Variants in HAS2 observed in about 807,000 individuals in gnomAD.
The protein encoded by HAS2 is HA synthase 2.
In HAS2, 16 loss-of-function variants were observed where a neutral mutation model predicts 51.6. That is an observed-to-expected ratio of 0.31 (90% CI 0.21 to 0.47). The LOEUF is 0.47. Ranked by LOEUF, HAS2 falls within the 20% of genes least tolerant of loss-of-function variation. The pLI is 1.00. For missense variants in HAS2, 361 were observed against 662.6 expected (o/e 0.54, Z 5.00); for synonymous variants, 228 against 235.5 (o/e 0.97, Z 0.29).
chr8:121,641,437 GTC>G lies in HAS2; in HGVS notation c.-587_-586del. The G allele has an allele frequency of 6.6e-6, 1 of 151,858 alleles. No homozygotes were observed. The highest frequency in any genetic ancestry group is 2.1e-4 in the South Asian group (1 of 4,800). 9.4% of individuals were successfully genotyped at this position (151,858 alleles called of 1,614,324 possible). A position where few individuals can be genotyped will look rare whatever the true frequency, so the allele number is the denominator to read the frequency against. ...CTTCTGCCTCCTCCAACTTAAGGGG[GTC>G]TTAACAAGTGAGCTGGTGGGTGTTT... On this transcript the variant is annotated 5_prime_UTR_variant, in exon 1 of 4. Transcript: ENST00000303924.
intron 1 of HAS2, among the ~76,000 whole-genome samples, chr8:121,635,841 G>A (rs1171026962): frequency 6.6e-6 from 1 of 152,202 alleles, no homozygotes; most frequent in East Asian, 1.9e-4. Flanking sequence ...CATGTTGTAT[G>A]GGAGAAGGGG....
intron 2 of HAS2, among the ~76,000 whole-genome samples, chr8:121,627,636 G>T (rs1448486022): frequency 6.6e-6 from 1 of 152,262 alleles, no homozygotes; most frequent in Admixed American, 6.5e-5. Flanking sequence ...GACTCAGAGA[G>T]GTGGTCTTGC....
At position 121,613,871 on chromosome 8, in the gene HAS2, G is replaced by A. The variant is rs1356556822; in HGVS notation, c.*238C>T. 7 of 589,636 alleles carry A rather than the reference G, an allele frequency of 1.2e-5. No homozygotes were observed. The highest frequency in any genetic ancestry group is 1.2e-5 in the Non-Finnish European group (4 of 340,812). 36.5% of individuals were successfully genotyped at this position (589,636 alleles called of 1,614,324 possible). A position where few individuals can be genotyped will look rare whatever the true frequency, so the allele number is the denominator to read the frequency against. On this transcript the variant is annotated 3_prime_UTR_variant, in exon 4 of 4. Coordinates refer to ENST00000303924, the MANE Select transcript of HAS2 (RefSeq NM_005328.3). Reference sequence around the variant, plus strand: ...GGCGGATGCACAGTAAGGAAAAAGTGCATAAACAAAGAATTCATCCCATTT... The same window carrying A: ...GGCGGATGCACAGTAAGGAAAAAGTACATAAACAAAGAATTCATCCCATTT...
At chr8:121,624,262 G>A (rs1285039284) in intron 2 of HAS2, among the ~76,000 whole-genome samples, 1 of 151,992 alleles carries the variant, frequency 6.6e-6, no homozygotes, top group African/African-American at 2.4e-5. Flanking sequence ...ACATCACCAA[G>A]GAAAAGCACA....
intron 2 of HAS2, among the ~76,000 whole-genome samples, chr8:121,619,488 A>T (rs545788997): frequency 6.6e-6 from 1 of 151,828 alleles, no homozygotes; most frequent in Non-Finnish European, 1.5e-5. Flanking sequence ...AACCCTATTG[A>T]CTGTCTTTTT....
chr8:121,625,950 C>T (rs1241162993), intron 2 of HAS2, among the ~76,000 whole-genome samples: 1 of 152,062 alleles, frequency 6.6e-6, no homozygotes, highest in Non-Finnish European at 1.5e-5. Context: ...CTAGTGACTC[C>T]CTTACTGTTC....
Position 121,614,807 on chromosome 8 carries a change from C to T in HAS2, c.961G>A (p.Val321Met), listed in dbSNP as rs1189098970. The change falls in exon 4 of 4, where the codon GTG becomes ATG. Residue 321 changes from valine to methionine, a missense_variant. This residue lies in a region of HAS2 where 106 missense variants were observed against 241.0 expected (regional missense o/e 0.44). Coordinates refer to ENST00000303924, the MANE Select transcript of HAS2 (RefSeq NM_005328.3). This position sits in a 1 kb window ranked among gnomAD's most constrained non-coding sequence, Gnocchi z 7.2. ...TTTGTTGCATAGCCCAGGCTCAGCA[C>T]CCGGTTCGTGAGATGCCTGTCATCA... The part of the protein sequence containing the change: ...FGDDRHLTNR[V>M]LSLGYATKYT... The T allele has an allele frequency of 1.2e-6, 2 of 1,614,080 alleles. No individual in the cohort carries two copies. Among genetic ancestry groups the T allele is most frequent in the Non-Finnish European group, 1.7e-6 (2 of 1,180,038 alleles).
chr8:121,629,118 G>A lies in HAS2; in HGVS notation c.223C>T (p.Leu75=), dbSNP rs761997421. ...FLEHRKMKKS[L]ETPIKLNKTV... is the part of the protein sequence containing the mutation. ...TTGTTCAACTTTATGGGGGTTTCTA[G>A]GGATTTTTTCATTTTTCGGTGCTCC... Residue 75 remains leucine (L), a synonymous_variant, in exon 2 of 4, where the codon CTA becomes TTA. Transcript: ENST00000303924. 2 of 1,613,942 alleles carry A rather than the reference G, an allele frequency of 1.2e-6. No individual in the cohort carries two copies. Among genetic ancestry groups the A allele is most frequent in the African/African-American group, 2.7e-5 (2 of 74,892 alleles).
At chr8:121,628,682 A>T (rs1288134384) in intron 2 of HAS2, 32 bp downstream of exon 2, 17 of 1,596,358 alleles carry the variant, frequency 1.1e-5, no homozygotes, top group Non-Finnish European at 1.5e-5. Context: ...ATTTAAATGT[A>T]TGTTTGCCCT....
intron 2 of HAS2, among the ~76,000 whole-genome samples, chr8:121,619,342 A>G (rs1812746231): frequency 6.6e-6 from 1 of 152,226 alleles, no homozygotes; most frequent in Admixed American, 6.5e-5. Flanking sequence ...ATTGGAAATC[A>G]TAATGTGTGG....
chr8:121,622,950 GA>G (rs796165251), intron 2 of HAS2, among the ~76,000 whole-genome samples: 106 of 142,384 alleles, frequency 7.4e-4, no homozygotes, highest in African/African-American at 8.7e-4. Flanking sequence ...AACCATTCCA[GA>G]AAAAAAAAAA....
intron 2 of HAS2, 68 bp downstream of exon 2, chr8:121,628,646 G>A: frequency 2.1e-6 from 3 of 1,428,980 alleles, no homozygotes; most frequent in Admixed American, 1.8e-5. Flanking sequence ...TATAGCATAT[G>A]ACTGGACAGA....
At chr8:121,630,789 T>C (rs954682238) in intron 1 of HAS2, among the ~76,000 whole-genome samples, 1 of 152,212 alleles carries the variant, frequency 6.6e-6, no homozygotes, top group Non-Finnish European at 1.5e-5. Flanking sequence ...CACTGACTGT[T>C]CACACAGTAT....
intron 3 of HAS2, among the ~76,000 whole-genome samples, chr8:121,616,338 T>TA (rs1343033302): frequency 6.6e-6 from 1 of 151,540 alleles, no homozygotes; most frequent in African/African-American, 2.4e-5. Flanking sequence ...TTGACTCAGA[T>TA]TTTTTTTTAA....
At chr8:121,630,572 A>G (rs554081865) in intron 1 of HAS2, among the ~76,000 whole-genome samples, 4 of 152,262 alleles carry the variant, frequency 2.6e-5, no homozygotes, top group Non-Finnish European at 4.4e-5. Context: ...TATAAATGCA[A>G]TATCTTCATC....
intron 1 of HAS2, among the ~76,000 whole-genome samples, chr8:121,631,806 A>C (rs1263411443): frequency 6.6e-6 from 1 of 152,260 alleles, no homozygotes; most frequent in Non-Finnish European, 1.5e-5. Context: ...ACAAGAGTGA[A>C]AAATTTCAAG....
intron 3 of HAS2, among the ~76,000 whole-genome samples, chr8:121,616,676 TCCACCTG>T (rs1812707945): frequency 6.6e-6 from 1 of 152,110 alleles, no homozygotes; most frequent in Admixed American, 6.6e-5. Context: ...CCTCAGGTGA[TCCACCTG>T]CCTCGGCCTC....
At chr8:121,640,420 A>AGTGTGTGTGTGTGTGTGT (rs10578731) in intron 1 of HAS2, among the ~76,000 whole-genome samples, 46 of 148,428 alleles carry the variant, frequency 3.1e-4, no homozygotes, top group African/African-American at 9.0e-4. Context: ...TTCTCCCCAC[A>AGTGTGTGTGTGTGTGTGT]GTGTGTGTGT....
At chr8:121,625,822 C>G (rs572259247) in intron 2 of HAS2, among the ~76,000 whole-genome samples, 1 of 151,790 alleles carries the variant, frequency 6.6e-6, no homozygotes, top group African/African-American at 2.4e-5. Flanking sequence ...CACTGGCCCT[C>G]TTTAACTTCT....
Sources: gnomAD v4.1 joint callset for allele counts (sites outside exome capture counted in the v4.1 genomes callset) on GRCh38, gnomAD v4.1.1 for gene constraint, gnomAD v4.1.1 regional missense constraint, Gnocchi (gnomAD v3.1) non-coding constraint, MANE v1.5 for transcripts, NCBI Gene and HGNC (gene_info 2026-07-23, HGNC 2026-07-21) for gene names.